Variants in SIM1 observed in about 807,000 individuals in gnomAD.
The protein encoded by SIM1 is SIM bHLH transcription factor 1.
A neutral mutation model predicts 78.2 loss-of-function variants in SIM1; 18 were observed. The ratio of observed to expected loss-of-function variants is 0.23; its 90% CI spans 0.16 to 0.34. The LOEUF is 0.34. Ranked by LOEUF, SIM1 falls within the 10% of genes least tolerant of loss-of-function variation. The pLI, the probability that SIM1 is intolerant of heterozygous loss-of-function variation, is 1.00. For missense variants in SIM1, 939 were observed against 975.1 expected, an observed-to-expected ratio of 0.96 and a Z score of 0.49; for synonymous variants, 417 against 385.2, an observed-to-expected ratio of 1.08 and a Z score of -0.97.
intron 10 of SIM1, among the ~76,000 whole-genome samples, chr6:100,402,621 A>C (rs1348228757): frequency 2.0e-5 from 2 of 100,328 alleles, no homozygotes; most frequent in African/African-American, 3.6e-5. Context: ...CCTGTCGCCC[A>C]GGCTGGAGTG....
At chr6:100,448,447 A>G in intron 7 of SIM1, 32 bp downstream of exon 7, 1 of 1,603,312 alleles carries the variant, frequency 6.2e-7, no homozygotes, top group Admixed American at 1.7e-5. Flanking sequence ...CCCTCAGGCT[A>G]GGAGAGGCCC....
chr6:100,455,634 T>C (rs1015339130), intron 2 of SIM1, among the ~76,000 whole-genome samples: 11 of 152,214 alleles, frequency 7.2e-5, no homozygotes, highest in African/African-American at 2.7e-4. Context: ...CCGGCGACGC[T>C]GGCCCTTGGG....
chr6:100,463,212 C>G, intron 2 of SIM1, 82 bp downstream of exon 2: 1 of 1,263,306 alleles, frequency 7.9e-7, no homozygotes, highest in Non-Finnish European at 1.1e-6. Flanking sequence ...ATGCATTTCT[C>G]TGGTCACTGA....
At chr6:100,401,937 A>C (rs886566944) in intron 10 of SIM1, among the ~76,000 whole-genome samples, 6 of 152,206 alleles carry the variant, frequency 3.9e-5, no homozygotes, top group Non-Finnish European at 8.8e-5. Flanking sequence ...TTCAGTACAA[A>C]CAAATCTTGG....
At chr6:100,458,880 T>C (rs546030251) in intron 2 of SIM1, among the ~76,000 whole-genome samples, 1 of 152,328 alleles carries the variant, frequency 6.6e-6, no homozygotes, top group South Asian at 2.1e-4. Flanking sequence ...CCTAAATAAT[T>C]GAGGTTCCCC....
At chr6:100,455,613 A>G (rs548655542) in intron 2 of SIM1, among the ~76,000 whole-genome samples, 2 of 152,342 alleles carry the variant, frequency 1.3e-5, no homozygotes, top group East Asian at 3.9e-4. Context: ...CTATTGGGAA[A>G]GCCGAGGACG....
intron 9 of SIM1, among the ~76,000 whole-genome samples, chr6:100,445,762 A>T (rs1326536092): frequency 1.3e-5 from 2 of 152,192 alleles, no homozygotes; most frequent in African/African-American, 4.8e-5. Context: ...TGTCTCAGAC[A>T]TACAAAGCAC....
chr6:100,454,682 G>C (rs971200477), intron 2 of SIM1, among the ~76,000 whole-genome samples: 3 of 151,978 alleles, frequency 2.0e-5, no homozygotes, highest in Non-Finnish European at 4.4e-5. Context: ...TCTCTCCTTG[G>C]TGTTTCCCCG....
At chr6:100,446,308 C>G (rs1312197918) in intron 9 of SIM1, among the ~76,000 whole-genome samples, 1 of 152,160 alleles carries the variant, frequency 6.6e-6, no homozygotes, top group Non-Finnish European at 1.5e-5. Context: ...TTCCTAATGT[C>G]TAAATAGCAT....
At chr6:100,448,970 G>A (rs1772438695) in intron 6 of SIM1, among the ~76,000 whole-genome samples, 1 of 152,190 alleles carries the variant, frequency 6.6e-6, no homozygotes, top group Non-Finnish European at 1.5e-5. Flanking sequence ...TGACGTTCAA[G>A]GACATTCAAC....
At chr6:100,421,907 C>T (rs1222660184) in intron 9 of SIM1, among the ~76,000 whole-genome samples, 3 of 152,150 alleles carry the variant, frequency 2.0e-5, no homozygotes, top group Non-Finnish European at 4.4e-5. Flanking sequence ...GGTACCAGAA[C>T]TCGCTGGGCT....
intron 10 of SIM1, among the ~76,000 whole-genome samples, chr6:100,416,386 C>T (rs1260316865): frequency 6.6e-6 from 1 of 152,124 alleles, no homozygotes; most frequent in Non-Finnish European, 1.5e-5. Context: ...ATGCCTAATA[C>T]ATATTAGAGC....
chr6:100,398,629 G>A lies in SIM1; in HGVS notation c.1168-4740C>T, dbSNP rs144582293. Among the ~76,000 whole-genome samples, 90 of 152,144 alleles carry A rather than the reference G, an allele frequency of 5.9e-4. No homozygotes were observed. In the South Asian group the frequency reaches 0.015, roughly 26 times the overall value. On this transcript the variant is annotated intron_variant, in intron 10 of 11. Transcript: ENST00000369208. ...AAAATTTCCATCCTTTTTAAAACTG[G>A]AGAGTATTCTATTGTATATACCATG...
At chr6:100,420,108 G>T (rs1337191358) in intron 10 of SIM1, among the ~76,000 whole-genome samples, 1 of 152,190 alleles carries the variant, frequency 6.6e-6, no homozygotes, top group Admixed American at 6.5e-5. Context: ...GGCCAGGAGA[G>T]CTGTGTACAC....
At chr6:100,426,366 A>T (rs948330195) in intron 9 of SIM1, among the ~76,000 whole-genome samples, 8 of 152,298 alleles carry the variant, frequency 5.3e-5, no homozygotes, top group Admixed American at 5.2e-4. Flanking sequence ...ATTTGAAATA[A>T]CTCAAATTCC....
intron 10 of SIM1, among the ~76,000 whole-genome samples, chr6:100,399,815 A>AT (rs1383168300): frequency 6.6e-6 from 1 of 152,088 alleles, no homozygotes; most frequent in African/African-American, 2.4e-5. Context: ...TTAGAAAAGA[A>AT]TTTTCTGATA....
intron 9 of SIM1, among the ~76,000 whole-genome samples, chr6:100,444,109 T>C (rs1251439499): frequency 7.1e-6 from 1 of 141,026 alleles, no homozygotes; most frequent in Non-Finnish European, 1.6e-5. Flanking sequence ...TTAGGTGTTC[T>C]ACATTTTCTT....
chr6:100,436,623 C>G (rs183053203), intron 9 of SIM1, among the ~76,000 whole-genome samples: 1 of 152,250 alleles, frequency 6.6e-6, no homozygotes, highest in Non-Finnish European at 1.5e-5. Flanking sequence ...CAACCTTACA[C>G]ATGATCTCAT....
chr6:100,445,322 CA>C (rs777792013), intron 9 of SIM1, among the ~76,000 whole-genome samples: 1 of 152,144 alleles, frequency 6.6e-6, no homozygotes, highest in Non-Finnish European at 1.5e-5. Flanking sequence ...TAATCAATTT[CA>C]GCTTTTCATC....
Sources: allele counts gnomAD v4.1 joint callset (sites outside exome capture counted in the v4.1 genomes callset), GRCh38; gene constraint gnomAD v4.1.1; transcripts MANE v1.5; gene names NCBI Gene and HGNC (gene_info 2026-07-23, HGNC 2026-07-21).